Variants in FBXL22 observed in about 807,000 individuals in gnomAD.
The protein encoded by FBXL22 is F-box and leucine-rich protein 22.
A neutral mutation model predicts 11.7 loss-of-function variants in FBXL22; 13 were observed. The ratio of observed to expected loss-of-function variants is 1.11; its 90% CI spans 0.73 to 1.77. The LOEUF is 1.77. Among genes scored for constraint, FBXL22 ranks in the 40% most tolerant of loss-of-function variants. The pLI, the probability that FBXL22 is intolerant of heterozygous loss-of-function variation, is 0.00. For synonymous variants in FBXL22, 160 were observed against 144.1 expected (o/e 1.11, Z -0.79); for missense variants, 406 against 320.4 (o/e 1.27, Z -2.04).
rs57017013 is a variant in FBXL22 at position 63,599,762 on chromosome 15, G to A, written c.354-935G>A. Reference sequence around the variant, plus strand: ...CTCTAGCTCCCTCTGGCTGCGGGGAGCCAAGGCCCCGGCCCATTAGTCGGT... The same window carrying A: ...CTCTAGCTCCCTCTGGCTGCGGGGAACCAAGGCCCCGGCCCATTAGTCGGT... On this transcript the variant is annotated intron_variant, in intron 1 of 1. Coordinates refer to ENST00000638704, the MANE Select transcript of FBXL22 (RefSeq NM_001367807.1). 1,705 of 986,342 alleles carry A rather than the reference G, an allele frequency of 1.7e-3. 20 individuals carry two copies. The African/African-American group carries it at 0.028, about 16-fold the overall frequency. 61.1% of individuals were successfully genotyped at this position (986,342 alleles called of 1,614,324 possible).
At chr15:63,605,738 T>C (rs755275218), downstream of FBXL22, among the ~76,000 whole-genome samples, 12 of 152,216 alleles carry the variant, frequency 7.9e-5, no homozygotes, top group Non-Finnish European at 1.6e-4. Context: ...CCTGCAATGC[T>C]AACTCTTTCT....
downstream of FBXL22, chr15:63,601,708 A>C (rs2067376603): frequency 6.3e-7 from 1 of 1,597,474 alleles, no homozygotes; most frequent in Non-Finnish European, 8.5e-7. Flanking sequence ...ATTGTAGAAA[A>C]TTCGCTCCCA....
chr15:63,597,512 C>A lies in FBXL22; in HGVS notation c.120C>A (p.His40Gln). The A allele has an allele frequency of 6.2e-7, 1 of 1,614,152 alleles. No individual in the cohort carries two copies. The highest frequency in any genetic ancestry group is 2.2e-5 in the East Asian group (1 of 44,878). The change falls in exon 1 of 2, where the codon CAC becomes CAA. Residue 40 changes from histidine (H) to glutamine (Q), a missense_variant. Physicochemically the swap from His to Gln is conservative, Grantham distance 24. Coordinates refer to ENST00000638704, the MANE Select transcript of FBXL22 (RefSeq NM_001367807.1). The surrounding 1 kb of genome is among the most constrained non-coding windows in gnomAD (Gnocchi z 4.3). Reference sequence around the variant, plus strand: ...TTGCCAGGACCTGCTCCCAGCTCCACGACGTGTTTGAGGACCCCGCACTCT... The same window carrying A: ...TTGCCAGGACCTGCTCCCAGCTCCAAGACGTGTTTGAGGACCCCGCACTCT... ...KSLARTCSQL[H>Q]DVFEDPALWS...
At position 63,597,883 on chromosome 15, in the gene FBXL22, A is replaced by G; in HGVS notation, c.353+138A>G. On this transcript the variant is annotated intron_variant, in intron 1 of 1. Transcript: ENST00000638704. This position sits in a 1 kb window ranked among gnomAD's most constrained non-coding sequence, Gnocchi z 4.3. ...CAAACTAGGCCCAAGGCAGACATCCAGACCGCCCAAAGCAGGGTCCCCAGG... is the reference window on the plus strand; with the variant it reads ...CAAACTAGGCCCAAGGCAGACATCCGGACCGCCCAAAGCAGGGTCCCCAGG... The G allele has an allele frequency of 1.3e-6, 1 of 741,806 alleles. No individual in the cohort carries two copies. The highest frequency in any genetic ancestry group is 2.1e-6 in the Non-Finnish European group (1 of 466,764). 46.0% of individuals were successfully genotyped at this position (741,806 alleles called of 1,614,324 possible). A position where few individuals can be genotyped will look rare whatever the true frequency, so the allele number is the denominator to read the frequency against.
At chr15:63,599,182 C>G in intron 1 of FBXL22, 2 of 1,532,822 alleles carry the variant, frequency 1.3e-6, no homozygotes, top group Non-Finnish European at 1.7e-6. Context: ...CACAGTGGCA[C>G]CTGGCACATA....
At position 63,597,607 on chromosome 15, in the gene FBXL22, G is replaced by A. The variant is rs757146172; in HGVS notation, c.215G>A (p.Arg72His). ...AACTTCCTCCTGGGCCCGGCACTCC[G>A]CAGCCTCTCCATCTGCTGGCACTCC... ...KDNFLLGPAL[R>H]SLSICWHSSR... Residue 72 changes from arginine (R) to histidine (H), a missense_variant, in exon 1 of 2, where the codon CGC (arginine) becomes CAC (histidine). Transcript: ENST00000638704. The surrounding 1 kb of genome is among the most constrained non-coding windows in gnomAD (Gnocchi z 4.3). 26 of 1,613,562 alleles carry A rather than the reference G, an allele frequency of 1.6e-5. No individual in the cohort carries two copies. The highest frequency in any genetic ancestry group is 1.6e-4 in the Middle Eastern group (1 of 6,082).
chr15:63,597,539 G>T lies in FBXL22; in HGVS notation c.147G>T (p.Trp49Cys). ...ACGTGTTTGAGGACCCCGCACTCTG[G>T]TCCCTGCTGCACTTCCGTTCCCTCA... is the stretch of plus-strand genomic sequence containing the variant. ...LHDVFEDPAL[W>C]SLLHFRSLTE... is the part of the protein sequence containing the mutation. Residue 49 changes from tryptophan (W) to cysteine (C), a missense_variant, in exon 1 of 2, where the codon TGG becomes TGT. Trp to Cys is a radical substitution (Grantham distance 215, BLOSUM62 -2). Coordinates refer to ENST00000638704, the MANE Select transcript of FBXL22 (RefSeq NM_001367807.1). The surrounding 1 kb of genome is among the most constrained non-coding windows in gnomAD (Gnocchi z 4.3). 1 of 1,614,138 alleles carries T rather than the reference G, an allele frequency of 6.2e-7. No homozygotes were observed. The highest frequency in any genetic ancestry group is 8.5e-7 in the Non-Finnish European group (1 of 1,180,034).
At chr15:63,599,174 C>G (rs1205726717) in intron 1 of FBXL22, 2 of 1,524,704 alleles carry the variant, frequency 1.3e-6, no homozygotes, top group Non-Finnish European at 1.8e-6. Context: ...TTAAATGACA[C>G]AGTGGCACCT....
downstream of FBXL22, among the ~76,000 whole-genome samples, chr15:63,607,192 C>T (rs1321506389): frequency 6.6e-6 from 1 of 152,082 alleles, no homozygotes; most frequent in African/African-American, 2.4e-5. Context: ...ACTACAGGTG[C>T]CCACCACCAT....
At chr15:63,607,455 A>G in the FBXL22 span, among the ~76,000 whole-genome samples, 1 of 152,122 alleles carries the variant, frequency 6.6e-6, no homozygotes, top group Admixed American at 6.5e-5. Flanking sequence ...ATCGGTATTA[A>G]AGCCTCATCT....
downstream of FBXL22, chr15:63,601,735 A>G: frequency 6.4e-7 from 1 of 1,563,072 alleles, no homozygotes. Flanking sequence ...GAATGCTTAC[A>G]TAAACTGCAT....
intron 1 of FBXL22, among the ~76,000 whole-genome samples, chr15:63,598,870 G>A (rs1349392601): frequency 6.6e-6 from 1 of 152,178 alleles, no homozygotes; most frequent in African/African-American, 2.4e-5. Context: ...GGTGGGGGTT[G>A]GGGGGAGGCG....
At chr15:63,601,589 C>T (rs2152688953), downstream of FBXL22, 9 of 1,574,308 alleles carry the variant, frequency 5.7e-6, no homozygotes, top group Non-Finnish European at 6.9e-6. Context: ...CAGGGGCGCA[C>T]GGGCAGAAGG....
chr15:63,607,714 GC>G, the FBXL22 span, among the ~76,000 whole-genome samples: 2 of 152,176 alleles, frequency 1.3e-5, no homozygotes, highest in African/African-American at 4.8e-5. Context: ...TGTCTGTCTG[GC>G]ACCTCATTTG....
downstream of FBXL22, among the ~76,000 whole-genome samples, chr15:63,604,169 G>C (rs1286967534): frequency 6.6e-6 from 1 of 152,112 alleles, no homozygotes; most frequent in African/African-American, 2.4e-5. Context: ...CTGTGACCAA[G>C]GACAGATTGG....
Position 63,599,259 on chromosome 15 carries a change from C to G in FBXL22, c.354-1438C>G, listed in dbSNP as rs1257481552. On this transcript the variant is annotated intron_variant, in intron 1 of 1. Transcript: ENST00000638704. ...ACTCAGCTCAGGTCGGGAGGAATGG[C>G]TGAGGATGGCTGGGCAGGGGGACAG... The G allele has an allele frequency of 9.1e-5, 138 of 1,524,746 alleles. No homozygotes were observed. The East Asian group carries it at 3.2e-3, about 35-fold the overall frequency. 94.5% of individuals were successfully genotyped at this position (1,524,746 alleles called of 1,614,324 possible). A position where few individuals can be genotyped will look rare whatever the true frequency, so the allele number is the denominator to read the frequency against.
chr15:63,597,476 CA>C lies in FBXL22; in HGVS notation c.85del (p.Arg29GlyfsTer157). ...HLFSFLDKDS[R>X]KSLARTCSQL... Reference sequence around the variant, plus strand: ...TCTTCTCCTTCCTAGACAAGGACAGCAGGAAGAGCCTTGCCAGGACCTGCTC... The same window carrying C: ...TCTTCTCCTTCCTAGACAAGGACAGCGGAAGAGCCTTGCCAGGACCTGCTC... On this transcript the variant is annotated frameshift_variant, in exon 1 of 2. Transcript: ENST00000638704. LOFTEE classifies it high-confidence loss of function. The surrounding 1 kb of genome is among the most constrained non-coding windows in gnomAD (Gnocchi z 4.3). 1 of 1,614,108 alleles carries C rather than the reference CA, an allele frequency of 6.2e-7. No individual in the cohort carries two copies. Among genetic ancestry groups the C allele is most frequent in the Non-Finnish European group, 8.5e-7 (1 of 1,180,020 alleles).
rs546801032 is a variant in FBXL22, at chr15:63,597,848, C to T, written c.353+103C>T. On this transcript the variant is annotated intron_variant, in intron 1 of 1. Coordinates refer to ENST00000638704, the MANE Select transcript of FBXL22 (RefSeq NM_001367807.1). This position sits in a 1 kb window ranked among gnomAD's most constrained non-coding sequence, Gnocchi z 4.3. Reference sequence around the variant, plus strand: ...TACGAGACCAAGATGGCTCCACCTTCGGGGCGCCTCAAACTAGGCCCAAGG... The same window carrying T: ...TACGAGACCAAGATGGCTCCACCTTTGGGGCGCCTCAAACTAGGCCCAAGG... The T allele has an allele frequency of 3.4e-5, 39 of 1,140,644 alleles. No individual in the cohort carries two copies. Among genetic ancestry groups the T allele is most frequent in the Admixed American group, 5.5e-5 (2 of 36,440 alleles). 70.7% of individuals were successfully genotyped at this position (1,140,644 alleles called of 1,614,324 possible). A position where few individuals can be genotyped will look rare whatever the true frequency, so the allele number is the denominator to read the frequency against.
At chr15:63,601,792 T>A, downstream of FBXL22, 1 of 1,378,378 alleles carries the variant, frequency 7.3e-7, no homozygotes, top group East Asian at 2.8e-5. Flanking sequence ...AAGAAATGAT[T>A]TGGAAGAAAA....
Sources: gnomAD v4.1 joint callset for allele counts (sites outside exome capture counted in the v4.1 genomes callset) on GRCh38, gnomAD v4.1.1 for gene constraint, Gnocchi (gnomAD v3.1) non-coding constraint, MANE v1.5 for transcripts, NCBI Gene and HGNC (gene_info 2026-07-23, HGNC 2026-07-21) for gene names.